The following WIF1 variants were observed in gnomAD, a reference collection of about 807,000 sequenced individuals.
WIF1 encodes Wnt inhibitory factor 1.
In WIF1, 35 loss-of-function variants were observed where a neutral mutation model predicts 53.5. The ratio of observed to expected loss-of-function variants is 0.65; its 90% CI spans 0.50 to 0.87. The LOEUF (loss-of-function observed/expected upper bound fraction) is 0.87, where lower values mean the gene tolerates loss of function less well. Among genes scored for constraint, WIF1 ranks in the 40% least tolerant of loss-of-function variants. The pLI is 0.00. For synonymous variants in WIF1, 171 were observed against 170.4 expected, an observed-to-expected ratio of 1.00 and a Z score of -0.03; for missense variants, 467 against 476.8, an observed-to-expected ratio of 0.98 and a Z score of 0.19.
intron 2 of WIF1, among the ~76,000 whole-genome samples, chr12:65,105,268 G>A (rs1252016405): frequency 1.3e-5 from 2 of 152,046 alleles, no homozygotes; most frequent in African/African-American, 4.8e-5. Flanking sequence ...GGAAGTTAGA[G>A]GTACACATTG....
At position 65,121,295 on chromosome 12, in the gene WIF1, T is replaced by A. The variant is rs1257833302; in HGVS notation, c.-104A>T. 3.3e-5 allele frequency: 42 copies of A among 1,291,488 alleles called. No individual in the cohort carries two copies. Among genetic ancestry groups the A allele is most frequent in the Non-Finnish European group, 4.0e-5 (41 of 1,016,116 alleles). The allele number at this position is 1,291,488 out of a possible 1,614,324, so 80.0% of individuals were successfully genotyped here. ...GCGCTGCAGCTCCCTCAGCCAGGGC[T>A]GTTCCCGTTTAGACGGCTGGGCGCG... On this transcript the variant is annotated 5_prime_UTR_variant, in exon 1 of 10. Coordinates refer to ENST00000286574, the MANE Select transcript of WIF1 (RefSeq NM_007191.5).
rs572879153 is a variant in WIF1 at position 65,076,074 on chromosome 12, G to A, written c.397+1672C>T. Among the ~76,000 whole-genome samples, 6 of 151,788 alleles carry A rather than the reference G, an allele frequency of 4.0e-5. No individual in the cohort carries two copies. In the South Asian group the frequency reaches 1.2e-3, roughly 32 times the overall value. On this transcript the variant is annotated intron_variant, in intron 3 of 9. Coordinates refer to ENST00000286574, the MANE Select transcript of WIF1 (RefSeq NM_007191.5). The stretch of plus-strand genomic sequence containing the variant: ...GACTGACTTTTTTCTTTTTTGCTCT[G>A]TTGCCCTGGCTGGAGTGCAGTGGTG...
intron 7 of WIF1, among the ~76,000 whole-genome samples, chr12:65,060,817 T>G (rs180925988): frequency 7.9e-5 from 12 of 152,338 alleles, no homozygotes; most frequent in Non-Finnish European, 1.2e-4. Context: ...GTTCCCGTGA[T>G]AGAAACAGGA....
rs866984035 is a variant in WIF1, at chr12:65,086,719, C to T, written c.289-8865G>A. Among the ~76,000 whole-genome samples the T allele has an allele frequency of 7.5e-3, 728 of 97,104 alleles. 3 individuals are homozygous for T. Among genetic ancestry groups the T allele is most frequent in the African/African-American group, 0.022 (682 of 31,690 alleles). The allele number at this position is 97,104 out of a possible 152,430, so 63.7% of individuals were successfully genotyped here. On this transcript the variant is annotated intron_variant, in intron 2 of 9. Coordinates refer to ENST00000286574, the MANE Select transcript of WIF1 (RefSeq NM_007191.5). ...TGTTTCTTTCTTTTTTTTTTTTTTT[C>T]ATCTCATCTCAAGGCTTACATTTGA... is the stretch of plus-strand genomic sequence containing the variant.
At chr12:65,114,211 A>G (rs1345157550) in intron 2 of WIF1, among the ~76,000 whole-genome samples, 1 of 152,082 alleles carries the variant, frequency 6.6e-6, no homozygotes, top group South Asian at 2.1e-4. Flanking sequence ...GAGAAAGGGA[A>G]AAAAAACCAC....
intron 3 of WIF1, among the ~76,000 whole-genome samples, chr12:65,069,322 G>A (rs183646313): frequency 2.6e-5 from 4 of 152,116 alleles, no homozygotes; most frequent in African/African-American, 9.7e-5. Context: ...AAACTTTGTG[G>A]CATCTTCATC....
At chr12:65,080,970 T>A (rs944500619) in intron 2 of WIF1, among the ~76,000 whole-genome samples, 4 of 152,082 alleles carry the variant, frequency 2.6e-5, no homozygotes, top group Non-Finnish European at 4.4e-5. Context: ...TAATTTAATT[T>A]AAAAAATAAA....
At chr12:65,056,463 G>T (rs1254644318) in intron 7 of WIF1, among the ~76,000 whole-genome samples, 3 of 124,566 alleles carry the variant, frequency 2.4e-5, no homozygotes, top group Non-Finnish European at 4.8e-5. Flanking sequence ...GACCTCAAGT[G>T]ATCCGCCCGC....
intron 2 of WIF1, chr12:65,095,610 C>G (rs1883191399): frequency 6.6e-6 from 1 of 152,048 alleles, no homozygotes; most frequent in South Asian, 2.1e-4. Flanking sequence ...AAACCAGTAA[C>G]ACCAAAGGGG....
At chr12:65,106,540 T>C (rs537573291) in intron 2 of WIF1, among the ~76,000 whole-genome samples, 1 of 152,100 alleles carries the variant, frequency 6.6e-6, no homozygotes, top group South Asian at 2.1e-4. Flanking sequence ...ATTTTTGTGT[T>C]TTTAGTAGAG....
At chr12:65,111,804 C>T (rs1883435079) in intron 2 of WIF1, among the ~76,000 whole-genome samples, 1 of 152,236 alleles carries the variant, frequency 6.6e-6, no homozygotes, top group Non-Finnish European at 1.5e-5. Context: ...CTACATTCAT[C>T]TCCTTTCTCA....
At chr12:65,104,029 T>C (rs994226273) in intron 2 of WIF1, among the ~76,000 whole-genome samples, 3 of 152,090 alleles carry the variant, frequency 2.0e-5, no homozygotes, top group African/African-American at 7.2e-5. Context: ...CATGCCACTG[T>C]AATCCAGCCT....
At chr12:65,080,393 T>C (rs1882928952) in intron 2 of WIF1, among the ~76,000 whole-genome samples, 2 of 152,164 alleles carry the variant, frequency 1.3e-5, no homozygotes, top group African/African-American at 2.4e-5. Context: ...ATAAGAAGTC[T>C]GATGAAAGGA....
At chr12:65,108,539 A>T (rs1432913192) in intron 2 of WIF1, among the ~76,000 whole-genome samples, 1 of 152,212 alleles carries the variant, frequency 6.6e-6, no homozygotes, top group East Asian at 1.9e-4. Flanking sequence ...TAGTTACAAC[A>T]TCATTATCCA....
At chr12:65,084,756 G>C (rs1262521262) in intron 2 of WIF1, among the ~76,000 whole-genome samples, 1 of 152,148 alleles carries the variant, frequency 6.6e-6, no homozygotes, top group African/African-American at 2.4e-5. Context: ...GTGCGTTCCA[G>C]AACACATTGT....
At chr12:65,065,672 T>A (rs954122408) in intron 6 of WIF1, among the ~76,000 whole-genome samples, 1 of 152,196 alleles carries the variant, frequency 6.6e-6, no homozygotes, top group Admixed American at 6.5e-5. Flanking sequence ...AAATTTATTA[T>A]TCTATCTTAA....
chr12:65,080,449 A>G (rs1882929573), intron 2 of WIF1, among the ~76,000 whole-genome samples: 1 of 152,192 alleles, frequency 6.6e-6, no homozygotes, highest in South Asian at 2.1e-4. Context: ...TTCCTTTGAA[A>G]GAGAGAACAG....
In WIF1 at chr12:65,068,648, C is replaced by CGTGTGTGTGT. The variant is rs1565750846; in HGVS notation, c.538+115_538+116insACACACACAC. Reference sequence around the variant, plus strand: ...GTTATAGAGCCATCATCCAAAAAACCATGTGTGTGTGTGTGTGTGTGTGTG... The same window carrying CGTGTGTGTGT: ...GTTATAGAGCCATCATCCAAAAAACCGTGTGTGTGTATGTGTGTGTGTGTGTGTGTGTGTG... On this transcript the variant is annotated intron_variant, in intron 4 of 9. Transcript: ENST00000286574. The CGTGTGTGTGT allele has an allele frequency of 7.3e-6, 8 of 1,103,148 alleles. No homozygotes were observed. In the African/African-American group the frequency reaches 1.6e-4, roughly 22 times the overall value. 68.3% of individuals were successfully genotyped at this position (1,103,148 alleles called of 1,614,324 possible).
intron 6 of WIF1, among the ~76,000 whole-genome samples, chr12:65,065,832 G>A (rs1056634807): frequency 2.0e-5 from 3 of 152,092 alleles, no homozygotes; most frequent in Admixed American, 2.0e-4. Flanking sequence ...CAAGTCTCTT[G>A]TAAAGAGTAT....
Sources: gnomAD v4.1 joint callset for allele counts (sites outside exome capture counted in the v4.1 genomes callset) on GRCh38, gnomAD v4.1.1 for gene constraint, MANE v1.5 for transcripts, NCBI Gene and HGNC (gene_info 2026-07-23, HGNC 2026-07-21) for gene names.